The following PLBD2 variants were observed in gnomAD, a reference collection of about 807,000 sequenced individuals.
PLBD2 encodes phospholipase B domain containing 2.
Under a neutral mutation model 68.3 loss-of-function variants are expected in PLBD2, and 51 were observed. The observed-to-expected ratio is 0.75, with a 90% CI of 0.60 to 0.94. PLBD2 has a LOEUF of 0.94. Among genes scored for constraint, PLBD2 ranks in the 40% least tolerant of loss-of-function variants. The pLI, the probability that PLBD2 is intolerant of heterozygous loss-of-function variation, is 0.00. For missense variants in PLBD2, 729 were observed against 792.2 expected, an observed-to-expected ratio of 0.92 and a Z score of 0.96; for synonymous variants, 314 against 339.3, an observed-to-expected ratio of 0.93 and a Z score of 0.82.
chr12:113,362,808 T>A (rs1490602830), intron 1 of PLBD2, among the ~76,000 whole-genome samples: 1 of 151,174 alleles, frequency 6.6e-6, no homozygotes, highest in Non-Finnish European at 1.5e-5. Context: ...TTTTTTGAGA[T>A]AGAGTCTGCT....
Position 113,370,651 on chromosome 12 carries a change from C to A in PLBD2, c.384+1442C>A, listed in dbSNP as rs115662179. Among the ~76,000 whole-genome samples, 84 of 151,324 alleles carry A rather than the reference C, an allele frequency of 5.6e-4. 2 individuals carry two copies. The highest frequency in any genetic ancestry group is 3.4e-3 in the Middle Eastern group (1 of 294). On this transcript the variant is annotated intron_variant, in intron 2 of 11. Transcript: ENST00000280800. ...CACCACCACGTCTGGCTAGTTTTTG[C>A]ATTTCAAGTAGAGATGGGGTTTTGC... is the stretch of plus-strand genomic sequence containing the variant.
chr12:113,378,353 A>G (rs952638602), intron 5 of PLBD2, among the ~76,000 whole-genome samples: 1 of 151,954 alleles, frequency 6.6e-6, no homozygotes, highest in African/African-American at 2.4e-5. Flanking sequence ...TATACCCATC[A>G]TTGTAGTATT....
chr12:113,382,867 G>GTGTGT (rs1331263076), intron 6 of PLBD2, among the ~76,000 whole-genome samples: 6 of 81,806 alleles, frequency 7.3e-5, no homozygotes, highest in South Asian at 4.1e-4. Context: ...GTGTGTGTGT[G>GTGTGT]TTTTTTTTTT....
At chr12:113,364,754 G>A (rs1033977700) in intron 1 of PLBD2, among the ~76,000 whole-genome samples, 1 of 152,102 alleles carries the variant, frequency 6.6e-6, no homozygotes, top group African/African-American at 2.4e-5. Context: ...GAGCCACTGC[G>A]CCATCTCCTC....
intron 8 of PLBD2, 81 bp from the exon 9 acceptor site, chr12:113,385,131 A>G (rs1957537920): frequency 8.8e-6 from 13 of 1,470,614 alleles, no homozygotes; most frequent in South Asian, 1.2e-5. Context: ...ATGGGGAGCC[A>G]TCGGGGCTCC....
intron 5 of PLBD2, among the ~76,000 whole-genome samples, chr12:113,379,575 A>T (rs550193592): frequency 2.6e-5 from 4 of 152,202 alleles, no homozygotes; most frequent in Non-Finnish European, 5.9e-5. Flanking sequence ...GCGTGAGGTC[A>T]CAGTAGCCCT....
rs1957535894 is a variant in PLBD2 at position 113,384,954 on chromosome 12, C to T, written c.1214+8C>T. On this transcript the variant is annotated splice_region_variant and intron_variant, in intron 8 of 11. Transcript: ENST00000280800. This position sits in a 1 kb window ranked among gnomAD's most constrained non-coding sequence, Gnocchi z 4.2. ...CATCCTGGAGCAGATCCCGTGCGTA[C>T]CCTGGGAGGGAGGGGTGGGGGCTCG... The T allele has an allele frequency of 3.1e-6, 5 of 1,609,788 alleles. No homozygotes were observed. Among genetic ancestry groups the T allele is most frequent in the Non-Finnish European group, 4.2e-6 (5 of 1,177,830 alleles).
chr12:113,367,625 C>T (rs1957352154), intron 1 of PLBD2, among the ~76,000 whole-genome samples: 1 of 151,508 alleles, frequency 6.6e-6, no homozygotes, highest in African/African-American at 2.4e-5. Context: ...TGGCACATGC[C>T]TGTAGTTCTA....
Position 113,388,704 on chromosome 12 carries a change from C to G in PLBD2, c.*78C>G, listed in dbSNP as rs1017450181. 4 of 1,446,782 alleles carry G rather than the reference C, an allele frequency of 2.8e-6. No individual in the cohort carries two copies. In the Admixed American group the frequency reaches 1.0e-4, roughly 37 times the overall value. The allele number at this position is 1,446,782 out of a possible 1,614,324, so 89.6% of individuals were successfully genotyped here. ...CCCCCGTCCCAAGGCCACCGGACTT[C>G]TAACTCCAGCCCCTCCTGGGGGCTT... On this transcript the variant is annotated 3_prime_UTR_variant, in exon 12 of 12. Coordinates refer to ENST00000280800, the MANE Select transcript of PLBD2 (RefSeq NM_173542.4).
chr12:113,383,649 G>C (rs1181563210), intron 6 of PLBD2, among the ~76,000 whole-genome samples: 1 of 151,476 alleles, frequency 6.6e-6, no homozygotes, highest in East Asian at 2.0e-4. Flanking sequence ...TGGCCAGGCT[G>C]GTCTGGAACT....
rs756573285 is a variant in PLBD2 at position 113,381,504 on chromosome 12, C to T, written c.957+662C>T. Among the ~76,000 whole-genome samples, 9 of 152,246 alleles carry T rather than the reference C, an allele frequency of 5.9e-5. No individual in the cohort carries two copies. The South Asian group carries it at 1.2e-3, about 21-fold the overall frequency. On this transcript the variant is annotated intron_variant, in intron 6 of 11. Coordinates refer to ENST00000280800, the MANE Select transcript of PLBD2 (RefSeq NM_173542.4). Reference sequence around the variant, plus strand: ...TAAAAAACACCCTTAGCGCAGAGAACGCCAGCTCCCTGCGGGGACGGGAGG... The same window carrying T: ...TAAAAAACACCCTTAGCGCAGAGAATGCCAGCTCCCTGCGGGGACGGGAGG...
intron 8 of PLBD2, 129 bp from the exon 9 acceptor site, chr12:113,385,083 G>C: frequency 3.8e-6 from 5 of 1,301,144 alleles, no homozygotes; most frequent in Non-Finnish European, 4.3e-6. Context: ...TGTCCCTGGT[G>C]GGGGCTGAAG....
intron 5 of PLBD2, among the ~76,000 whole-genome samples, chr12:113,377,673 G>A (rs117909277): frequency 0.033 from 5,048 of 152,204 alleles, 103 homozygotes; most frequent in Non-Finnish European, 0.052. Flanking sequence ...TGATCCAACC[G>A]CCTGTCCTGA....
In PLBD2 at chr12:113,387,726, C is replaced by T; in HGVS notation, c.1440-18C>T. 6.2e-7 allele frequency: 1 copy of T among 1,610,420 alleles called. No individual in the cohort carries two copies. The highest frequency in any genetic ancestry group is 8.5e-7 in the Non-Finnish European group (1 of 1,177,026). On this transcript the variant is annotated intron_variant, in intron 10 of 11. Coordinates refer to ENST00000280800, the MANE Select transcript of PLBD2 (RefSeq NM_173542.4). The stretch of plus-strand genomic sequence containing the variant: ...TCCTTCCTGGGATGACTGATGTTCC[C>T]TCCTTTTCCCCATCCAGGTACAATG...
At chr12:113,361,970 G>A (rs888280917) in intron 1 of PLBD2, among the ~76,000 whole-genome samples, 1 of 152,074 alleles carries the variant, frequency 6.6e-6, no homozygotes, top group African/African-American at 2.4e-5. Flanking sequence ...CAACCAACAG[G>A]CAAAAACAGC....
chr12:113,360,528 C>G (rs1195529369), intron 1 of PLBD2, among the ~76,000 whole-genome samples: 1 of 152,234 alleles, frequency 6.6e-6, no homozygotes, highest in South Asian at 2.1e-4. Flanking sequence ...CTTCCAGGCT[C>G]AGCCCCTCTG....
At chr12:113,371,284 A>C (rs1336328787) in intron 2 of PLBD2, among the ~76,000 whole-genome samples, 1 of 152,204 alleles carries the variant, frequency 6.6e-6, no homozygotes, top group African/African-American at 2.4e-5. Flanking sequence ...AAGCAGTCCC[A>C]AAGTGGGAGT....
chr12:113,390,417 C>A lies in PLBD2; in HGVS notation c.*1791C>A, dbSNP rs531482836. On this transcript the variant is annotated 3_prime_UTR_variant, in exon 12 of 12. Coordinates refer to ENST00000280800, the MANE Select transcript of PLBD2 (RefSeq NM_173542.4). Reference sequence around the variant, plus strand: ...ATCCATCTACCCGTCCACCCATTCACTCCTCCATCCACCTACCTATCCATT... The same window carrying A: ...ATCCATCTACCCGTCCACCCATTCAATCCTCCATCCACCTACCTATCCATT... 1 of 152,106 alleles carries A rather than the reference C, an allele frequency of 6.6e-6. No homozygotes were observed. The highest frequency in any genetic ancestry group is 1.5e-5 in the Non-Finnish European group (1 of 68,034). The allele number at this position is 152,106 out of a possible 1,614,324, so 9.4% of individuals were successfully genotyped here.
intron 1 of PLBD2, among the ~76,000 whole-genome samples, chr12:113,361,656 A>G (rs1291954779): frequency 6.6e-6 from 1 of 151,856 alleles, no homozygotes; most frequent in Non-Finnish European, 1.5e-5. Context: ...ACCTTCTTTC[A>G]GTTGTGCCAT....
Sources: gnomAD v4.1 joint callset for allele counts (sites outside exome capture counted in the v4.1 genomes callset) on GRCh38, gnomAD v4.1.1 for gene constraint, Gnocchi (gnomAD v3.1) non-coding constraint, MANE v1.5 for transcripts, NCBI Gene and HGNC (gene_info 2026-07-23, HGNC 2026-07-21) for gene names.